PCDH15: variants seen among roughly 807,000 people sequenced by gnomAD.
PCDH15 encodes the protein protocadherin related 15, also known as protocadherin-15.
A neutral mutation model predicts 178.5 loss-of-function variants in PCDH15; 129 were observed. That is an observed-to-expected ratio of 0.72 (90% confidence interval 0.63 to 0.84). PCDH15 has a LOEUF of 0.84. PCDH15 is among the 40% of genes least tolerant of loss of function. The probability of loss-of-function intolerance (pLI) is 0.00; values close to 1 mark genes in which losing one functional copy is unlikely to be tolerated. For synonymous variants in PCDH15, 800 were observed against 732.0 expected (o/e 1.09, Z -1.50); for missense variants, 2,230 against 2,099.9 (o/e 1.06, Z -1.21).
intron 1 of PCDH15, among the ~76,000 whole-genome samples, chr10:54,753,997 A>ATT (rs144330794): frequency 7.6e-6 from 1 of 132,398 alleles, no homozygotes; most frequent in Non-Finnish European, 1.6e-5. Context: ...TATTATTATT[A>ATT]TTTTTTATTT....
At chr10:54,540,551 G>T (rs2085094972) in intron 2 of PCDH15, among the ~76,000 whole-genome samples, 1 of 152,010 alleles carries the variant, frequency 6.6e-6, no homozygotes, top group African/African-American at 2.4e-5. Context: ...CACACCAGAT[G>T]AACTCACAGC....
At chr10:55,575,126 C>CTA (rs1388294065) in intron 2 of PCDH15, among the ~76,000 whole-genome samples, 1 of 152,092 alleles carries the variant, frequency 6.6e-6, no homozygotes, top group Non-Finnish European at 1.5e-5. Flanking sequence ...TAACCTCCAT[C>CTA]TATAACACAT....
At chr10:55,373,029 TA>T (rs1845544217) in intron 2 of PCDH15, among the ~76,000 whole-genome samples, 1 of 151,884 alleles carries the variant, frequency 6.6e-6, no homozygotes, top group Admixed American at 6.6e-5. Flanking sequence ...ATTCAAAAAA[TA>T]ATTAAAAATG....
chr10:55,455,459 G>T (rs1224056708), intron 2 of PCDH15, among the ~76,000 whole-genome samples: 3 of 151,796 alleles, frequency 2.0e-5, no homozygotes, highest in African/African-American at 7.3e-5. Context: ...CTAAAAAACA[G>T]CTGGAAGTTA....
intron 1 of PCDH15, among the ~76,000 whole-genome samples, chr10:55,214,108 G>T (rs552577375): frequency 6.6e-6 from 1 of 151,952 alleles, no homozygotes; most frequent in East Asian, 1.9e-4. Flanking sequence ...TGTGTTCAAA[G>T]AACATATTCT....
At chr10:53,986,774 G>A (rs879590791) in intron 21 of PCDH15, among the ~76,000 whole-genome samples, 48 of 152,170 alleles carry the variant, frequency 3.2e-4, no homozygotes, top group African/African-American at 8.2e-4. Flanking sequence ...TAAAATAGTC[G>A]TCAAACTCAA....
At chr10:55,390,428 C>T (rs1353647164) in intron 2 of PCDH15, among the ~76,000 whole-genome samples, 4 of 152,092 alleles carry the variant, frequency 2.6e-5, no homozygotes, top group African/African-American at 4.8e-5. Context: ...ATTCCTTTCA[C>T]AAAAGATTTC....
At chr10:54,437,130 G>A (rs1333583899) in intron 3 of PCDH15, among the ~76,000 whole-genome samples, 2 of 152,154 alleles carry the variant, frequency 1.3e-5, no homozygotes, top group African/African-American at 4.8e-5. Context: ...CTGTAAAAAT[G>A]TATACTCTTT....
chr10:53,860,334 G>C (rs2079021062), intron 27 of PCDH15, among the ~76,000 whole-genome samples: 1 of 152,112 alleles, frequency 6.6e-6, no homozygotes. Context: ...CCATATGATG[G>C]AGTTCTGACC....
At chr10:55,589,081 CAAA>C (rs35940637) in intron 2 of PCDH15, among the ~76,000 whole-genome samples, 2 of 81,162 alleles carry the variant, frequency 2.5e-5, no homozygotes, top group Non-Finnish European at 4.9e-5. Flanking sequence ...AATTCCGTGT[CAAA>C]AAAAAAAAAA....
intron 2 of PCDH15, among the ~76,000 whole-genome samples, chr10:55,522,510 G>T (rs1454807087): frequency 6.6e-6 from 1 of 151,540 alleles, no homozygotes; most frequent in Non-Finnish European, 1.5e-5. Flanking sequence ...TGTTGAGGGC[G>T]TATATACTTA....
At chr10:54,156,936 C>A (rs1773770262) in intron 13 of PCDH15, among the ~76,000 whole-genome samples, 1 of 152,196 alleles carries the variant, frequency 6.6e-6, no homozygotes, top group African/African-American at 2.4e-5. Context: ...AAAATGATCT[C>A]TTTTGACTTC....
chr10:54,157,124 G>T (rs2045238201), intron 13 of PCDH15, among the ~76,000 whole-genome samples: 1 of 152,162 alleles, frequency 6.6e-6, no homozygotes, highest in South Asian at 2.1e-4. Context: ...TACCATTCTG[G>T]GCTCTGGAGG....
Position 54,679,052 on chromosome 10 carries a change from T to A in PCDH15, c.-28-14762A>T, listed in dbSNP as rs559537239. On this transcript the variant is annotated intron_variant, in intron 1 of 37. Transcript: ENST00000644397. ...AAAAATACAAAAAATTAGCCGGGCG[T>A]GTTGGCGGGCGCCTGTAGTCCCAGC... is the stretch of plus-strand genomic sequence containing the variant. Among the ~76,000 whole-genome samples, 7 of 151,622 alleles carry A rather than the reference T, an allele frequency of 4.6e-5. No homozygotes were observed. In the South Asian group the frequency reaches 1.0e-3, roughly 23 times the overall value.
chr10:54,582,879 C>T (rs1454314492), intron 2 of PCDH15, among the ~76,000 whole-genome samples: 1 of 152,008 alleles, frequency 6.6e-6, no homozygotes, highest in East Asian at 1.9e-4. Flanking sequence ...GAGCAAGAAC[C>T]TGTTTCCAAA....
chr10:53,893,239 G>A (rs575166472), intron 26 of PCDH15, among the ~76,000 whole-genome samples: 11 of 152,168 alleles, frequency 7.2e-5, no homozygotes, highest in Middle Eastern at 3.4e-3. Flanking sequence ...GTAAAACTAT[G>A]ATACATGGAT....
intron 1 of PCDH15, among the ~76,000 whole-genome samples, chr10:55,255,837 T>G (rs2132229107): frequency 6.6e-6 from 1 of 152,360 alleles, no homozygotes; most frequent in African/African-American, 2.4e-5. Flanking sequence ...TCATTGTAGA[T>G]TCTAGATATT....
chr10:54,609,543 A>G (rs2092892303), intron 2 of PCDH15, among the ~76,000 whole-genome samples: 1 of 152,038 alleles, frequency 6.6e-6, no homozygotes, highest in Non-Finnish European at 1.5e-5. Context: ...GCTTCAATGA[A>G]GAATAATCTG....
At chr10:54,152,750 A>G (rs2044665146) in intron 14 of PCDH15, among the ~76,000 whole-genome samples, 1 of 151,926 alleles carries the variant, frequency 6.6e-6, no homozygotes, top group African/African-American at 2.4e-5. Context: ...AAATACATGT[A>G]TTATTTTACA....
Sources: gnomAD v4.1 joint callset for allele counts (sites outside exome capture counted in the v4.1 genomes callset) on GRCh38, gnomAD v4.1.1 for gene constraint, MANE v1.5 for transcripts, NCBI Gene and HGNC (gene_info 2026-07-23, HGNC 2026-07-21) for gene names.